The following FOXP2 variants were observed in gnomAD, a reference collection of about 807,000 sequenced individuals.
FOXP2 encodes the protein forkhead box P2, also known as forkhead box protein P2.
FOXP2 carries 12 observed loss-of-function variants against 115.8 expected under a neutral mutation model. The observed-to-expected ratio is 0.10, with a 90% CI of 0.07 to 0.17. The LOEUF is 0.17. FOXP2 is among the 10% of genes least tolerant of loss of function. The pLI is 1.00. For synonymous variants in FOXP2, 328 were observed against 297.7 expected, an observed-to-expected ratio of 1.10 and a Z score of -1.05; for missense variants, 629 against 843.5, an observed-to-expected ratio of 0.75 and a Z score of 3.15.
chr7:114,386,268 ACAGAGCTCC>A (rs572207916), intron 2 of FOXP2, among the ~76,000 whole-genome samples: 134 of 152,314 alleles, frequency 8.8e-4, no homozygotes, highest in African/African-American at 3.1e-3. Flanking sequence ...TAGAGTGAAA[ACAGAGCTCC>A]CATACAAAGG....
chr7:114,642,149 T>A (rs1390846477), intron 6 of FOXP2, among the ~76,000 whole-genome samples: 3 of 152,134 alleles, frequency 2.0e-5, no homozygotes, highest in Non-Finnish European at 2.9e-5. Flanking sequence ...TTTTTTTTAA[T>A]GCTTGATATT....
chr7:114,438,324 T>G (rs1161519619), intron 2 of FOXP2, among the ~76,000 whole-genome samples: 2 of 152,134 alleles, frequency 1.3e-5, no homozygotes, highest in Non-Finnish European at 2.9e-5. Flanking sequence ...ATTCTTCTGT[T>G]CTGCAGGTCC....
chr7:114,117,652 G>A (rs1407102518), intron 1 of FOXP2, among the ~76,000 whole-genome samples: 1 of 152,042 alleles, frequency 6.6e-6, no homozygotes, highest in African/African-American at 2.4e-5. Context: ...GATAAATTAA[G>A]GTATTTTAAG....
chr7:114,142,154 C>G (rs1792232303), intron 1 of FOXP2, among the ~76,000 whole-genome samples: 1 of 152,064 alleles, frequency 6.6e-6, no homozygotes, highest in Non-Finnish European at 1.5e-5. Context: ...TCCTGAGTAG[C>G]TGGGATTACA....
At chr7:114,469,274 GT>G (rs1440310315) in intron 2 of FOXP2, among the ~76,000 whole-genome samples, 3 of 152,090 alleles carry the variant, frequency 2.0e-5, no homozygotes, top group Admixed American at 2.0e-4. Context: ...AAAGGTCTCA[GT>G]CACACAATAT....
intron 16 of FOXP2, among the ~76,000 whole-genome samples, chr7:114,676,792 C>A (rs1296496093): frequency 6.6e-6 from 1 of 152,074 alleles, no homozygotes; most frequent in Admixed American, 6.5e-5. Flanking sequence ...AATTAGTAAA[C>A]CACATACAAA....
intron 2 of FOXP2, among the ~76,000 whole-genome samples, chr7:114,349,924 G>A (rs1456182170): frequency 6.6e-6 from 1 of 152,038 alleles, no homozygotes; most frequent in Non-Finnish European, 1.5e-5. Context: ...TTCAAAGAAT[G>A]ACCATAGTTG....
intron 1 of FOXP2, among the ~76,000 whole-genome samples, chr7:114,252,707 C>T (rs1008645271): frequency 6.6e-6 from 1 of 151,964 alleles, no homozygotes; most frequent in African/African-American, 2.4e-5. Context: ...GTCTCGCTAG[C>T]GTTCTATCAA....
chr7:114,091,811 A>T (rs1004270065), intron 1 of FOXP2, among the ~76,000 whole-genome samples: 1 of 151,948 alleles, frequency 6.6e-6, no homozygotes, highest in Non-Finnish European at 1.5e-5. Context: ...TAAAAAATAC[A>T]TTTTCTCCGT....
intron 3 of FOXP2, among the ~76,000 whole-genome samples, chr7:114,549,228 T>C (rs530872312): frequency 6.6e-6 from 1 of 152,266 alleles, no homozygotes; most frequent in Admixed American, 6.5e-5. Flanking sequence ...AACCCCAGAA[T>C]TGATTGGTAC....
chr7:114,679,234 G>A (rs1481621030), intron 16 of FOXP2, among the ~76,000 whole-genome samples: 1 of 152,018 alleles, frequency 6.6e-6, no homozygotes, highest in Non-Finnish European at 1.5e-5. Context: ...CAAAGTGCTG[G>A]GATTACAGGC....
chr7:114,146,307 AATAC>A (rs1453804873), intron 1 of FOXP2, among the ~76,000 whole-genome samples: 5 of 152,234 alleles, frequency 3.3e-5, no homozygotes, highest in African/African-American at 1.2e-4. Context: ...CACTAGGCAT[AATAC>A]ATGTTGAATT....
chr7:114,287,851 G>T (rs1796504692), intron 1 of FOXP2, among the ~76,000 whole-genome samples: 1 of 151,750 alleles, frequency 6.6e-6, no homozygotes. Flanking sequence ...TGTAGAAAAA[G>T]CATTTTTATG....
At chr7:114,492,329 T>G (rs1797102272) in intron 2 of FOXP2, among the ~76,000 whole-genome samples, 2 of 152,182 alleles carry the variant, frequency 1.3e-5, no homozygotes, top group South Asian at 2.1e-4. Context: ...TCGCTAGCGG[T>G]CTATCAATTT....
intron 2 of FOXP2, among the ~76,000 whole-genome samples, chr7:114,498,488 C>A (rs1350758070): frequency 6.6e-6 from 1 of 151,946 alleles, no homozygotes; most frequent in Non-Finnish European, 1.5e-5. Context: ...AAGTGCAATA[C>A]AAACACTGGA....
chr7:114,493,827 C>T (rs1056354079), intron 2 of FOXP2, among the ~76,000 whole-genome samples: 2 of 150,166 alleles, frequency 1.3e-5, no homozygotes, highest in African/African-American at 2.4e-5. Context: ...CACTTTGGGA[C>T]AATGTGGCCT....
chr7:114,363,431 T>C (rs964011800), intron 2 of FOXP2, among the ~76,000 whole-genome samples: 10 of 152,114 alleles, frequency 6.6e-5, no homozygotes, highest in African/African-American at 2.2e-4. Context: ...TGGGAAAAAG[T>C]ATGTCAGTGG....
chr7:114,519,515 T>A (rs1439583119), intron 2 of FOXP2, among the ~76,000 whole-genome samples: 1 of 152,112 alleles, frequency 6.6e-6, no homozygotes, highest in African/African-American at 2.4e-5. Context: ...TAGCATGTCT[T>A]AGGATTCAGT....
At chr7:114,112,843 G>A (rs1163261689) in intron 1 of FOXP2, among the ~76,000 whole-genome samples, 2 of 152,024 alleles carry the variant, frequency 1.3e-5, no homozygotes, top group African/African-American at 4.8e-5. Context: ...TTACTAATTT[G>A]GCTCTTTCTT....
Sources: allele counts gnomAD v4.1 joint callset (sites outside exome capture counted in the v4.1 genomes callset), GRCh38; gene constraint gnomAD v4.1.1; transcripts MANE v1.5; gene names NCBI Gene and HGNC (gene_info 2026-07-23, HGNC 2026-07-21).